Variants in DYSF observed in about 807,000 individuals in gnomAD.
DYSF encodes the protein dystrophy-associated fer-1-like 1.
A neutral mutation model predicts 274.9 loss-of-function variants in DYSF; 212 were observed. The ratio of observed to expected loss-of-function variants is 0.77; its 90% CI spans 0.69 to 0.86. The LOEUF is 0.86. Ranked by LOEUF, DYSF falls within the 40% of genes least tolerant of loss-of-function variation. The probability of loss-of-function intolerance (pLI) is 0.00; values close to 1 mark genes in which losing one functional copy is unlikely to be tolerated. For missense variants in DYSF, 2,666 were observed against 2,783.2 expected (o/e 0.96, Z 0.95); for synonymous variants, 1,091 against 1,078.7 (o/e 1.01, Z -0.22).
At chr2:71,606,999 CG>C (rs2093659680) in intron 36 of DYSF, among the ~76,000 whole-genome samples, 1 of 152,100 alleles carries the variant, frequency 6.6e-6, no homozygotes, top group African/African-American at 2.4e-5. Flanking sequence ...ATTTGTTGGA[CG>C]GGGGAATTCA....
chr2:71,575,998 C>T (rs1416401368), intron 30 of DYSF, among the ~76,000 whole-genome samples: 2 of 152,228 alleles, frequency 1.3e-5, no homozygotes, highest in Admixed American at 6.5e-5. Flanking sequence ...AGTAGCCCAG[C>T]CCACAGCGCC....
At chr2:71,593,368 C>A (rs940253748) in intron 32 of DYSF, among the ~76,000 whole-genome samples, 1 of 152,044 alleles carries the variant, frequency 6.6e-6, no homozygotes, top group Non-Finnish European at 1.5e-5. Flanking sequence ...TGACCTCAGG[C>A]GATTCACCCG....
chr2:71,622,042 ATTTG>A (rs1472601338), intron 41 of DYSF, among the ~76,000 whole-genome samples: 1 of 66,258 alleles, frequency 1.5e-5, no homozygotes, highest in African/African-American at 3.2e-5. Context: ...TTGCCATTTA[ATTTG>A]TTTATTTCTC....
chr2:71,482,014 G>C, intron 3 of DYSF, 44 bp downstream of exon 3: 1 of 1,532,462 alleles, frequency 6.5e-7, no homozygotes, highest in Non-Finnish European at 9.0e-7. Context: ...GAAGGTGCAG[G>C]TAGGATTGTG....
At chr2:71,635,730 C>A in intron 41 of DYSF, among the ~76,000 whole-genome samples, 1 of 106,848 alleles carries the variant, frequency 9.4e-6, no homozygotes, top group African/African-American at 3.8e-5. Context: ...GCCTGGGCGA[C>A]AGAGCAAGAC....
At chr2:71,612,428 G>C (rs542583317) in intron 38 of DYSF, among the ~76,000 whole-genome samples, 1 of 152,316 alleles carries the variant, frequency 6.6e-6, no homozygotes, top group East Asian at 1.9e-4. Context: ...GTAAAGCTGT[G>C]GGGGGAAAGC....
intron 51 of DYSF, among the ~76,000 whole-genome samples, chr2:71,670,190 C>T (rs1214645208): frequency 3.3e-5 from 5 of 152,226 alleles, no homozygotes; most frequent in Non-Finnish European, 2.9e-5. Flanking sequence ...GCCGCCACCC[C>T]ATGGCCACCT....
chr2:71,654,650 G>A (rs759289284), intron 42 of DYSF, among the ~76,000 whole-genome samples: 8 of 151,748 alleles, frequency 5.3e-5, no homozygotes, highest in African/African-American at 1.4e-4. Context: ...TTGAAAAACC[G>A]CAAAACTAAA....
In DYSF at chr2:71,466,778, C is replaced by T; in HGVS notation, c.-65C>T. The stretch of plus-strand genomic sequence containing the variant: ...GAGCCGGGCGCTTGCTGGGTGGGTG[C>T]TCGGGCCCGGTGCTCCCGCTCCCGC... On this transcript the variant is annotated 5_prime_UTR_variant, in exon 1 of 56. Coordinates refer to ENST00000410020, the MANE Select transcript of DYSF (RefSeq NM_001130987.2). 6 of 1,432,642 alleles carry T rather than the reference C, an allele frequency of 4.2e-6. No homozygotes were observed. The highest frequency in any genetic ancestry group is 1.4e-5 in the South Asian group (1 of 70,696). 88.7% of individuals were successfully genotyped at this position (1,432,642 alleles called of 1,614,324 possible). A position where few individuals can be genotyped will look rare whatever the true frequency, so the allele number is the denominator to read the frequency against.
intron 1 of DYSF, among the ~76,000 whole-genome samples, chr2:71,477,853 G>T (rs370747590): frequency 6.6e-6 from 1 of 152,166 alleles, no homozygotes; most frequent in South Asian, 2.1e-4. Flanking sequence ...ACAGTTATCT[G>T]AAAGTGTATT....
At chr2:71,618,038 TGGTG>T (rs1229358676) in intron 40 of DYSF, among the ~76,000 whole-genome samples, 1 of 51,442 alleles carries the variant, frequency 1.9e-5, no homozygotes, top group Non-Finnish European at 3.6e-5. Flanking sequence ...GTGGTAGAGA[TGGTG>T]TGTGTGTGTG....
At chr2:71,680,866 G>A in intron 53 of DYSF, 135 bp from the exon 54 acceptor site, 1 of 749,250 alleles carries the variant, frequency 1.3e-6, no homozygotes, top group East Asian at 2.7e-5. Context: ...AGCAGGTGCT[G>A]CTTTTATGTT....
rs2095087796 is a variant in DYSF, at chr2:71,669,849, C to T, written c.5784+103C>T. 2.0e-6 allele frequency: 3 copies of T among 1,500,248 alleles called. No individual in the cohort carries two copies. The South Asian group carries it at 3.4e-5, about 17-fold the overall frequency. 92.9% of individuals were successfully genotyped at this position (1,500,248 alleles called of 1,614,324 possible). On this transcript the variant is annotated intron_variant, in intron 51 of 55. Transcript: ENST00000410020. Reference sequence around the variant, plus strand: ...CCTGGCAACTGTCACAATCTCACTGCTGCCCCACCATGTTGGAGCTACCAC... The same window carrying T: ...CCTGGCAACTGTCACAATCTCACTGTTGCCCCACCATGTTGGAGCTACCAC...
At chr2:71,539,362 C>T in intron 17 of DYSF, 123 bp downstream of exon 17, 5 of 794,726 alleles carry the variant, frequency 6.3e-6, no homozygotes, top group South Asian at 1.4e-5. Flanking sequence ...CCTCTGTTGC[C>T]CATTTTCCAC....
intron 42 of DYSF, among the ~76,000 whole-genome samples, chr2:71,655,133 T>C (rs1327341492): frequency 6.6e-6 from 1 of 152,070 alleles, no homozygotes; most frequent in African/African-American, 2.4e-5. Flanking sequence ...CAAGTTTGTA[T>C]CTTTTGAGTC....
chr2:71,663,403 G>T (rs547567607), intron 45 of DYSF, among the ~76,000 whole-genome samples: 16 of 152,328 alleles, frequency 1.1e-4, no homozygotes, highest in African/African-American at 3.8e-4. Context: ...AACCCTCTGG[G>T]GGTCTCACAG....
chr2:71,456,756 C>T (rs1369922269), intron 1 of DYSF, among the ~76,000 whole-genome samples: 1 of 152,188 alleles, frequency 6.6e-6, no homozygotes, highest in South Asian at 2.1e-4. Flanking sequence ...GCCAAGGTCA[C>T]ATAGTGGCCA....
Position 71,598,615 on chromosome 2 carries a change from T to C in DYSF, c.3626T>C (p.Val1209Ala). 6.2e-7 allele frequency: 1 copy of C among 1,614,126 alleles called. No homozygotes were observed. ...CACCAGAGCCAGAAGACGGTGGTGG[T>C]GAAGAACACCCTTAACCCCACCTGG... ...FLHQSQKTVV[V>A]KNTLNPTWDQ... The change falls in exon 33 of 56, where the codon GTG becomes GCG. Residue 1209 changes from valine (V) to alanine (A), a missense_variant. By Grantham distance (64) the Val-to-Ala change is moderately conservative. Around this residue, in one of 3 missense-constraint regions of DYSF, gnomAD observed 1,460 missense variants for 1,502.1 expected, o/e 0.97. Coordinates refer to ENST00000410020, the MANE Select transcript of DYSF (RefSeq NM_001130987.2).
intron 54 of DYSF, among the ~76,000 whole-genome samples, chr2:71,681,565 C>T (rs2095296919): frequency 6.6e-6 from 1 of 152,244 alleles, no homozygotes; most frequent in Non-Finnish European, 1.5e-5. Flanking sequence ...CCTTCGGTGG[C>T]TCTCCTATGG....
Sources: gnomAD v4.1 joint callset for allele counts (sites outside exome capture counted in the v4.1 genomes callset) on GRCh38, gnomAD v4.1.1 for gene constraint, gnomAD v4.1.1 regional missense constraint, MANE v1.5 for transcripts, NCBI Gene and HGNC (gene_info 2026-07-23, HGNC 2026-07-21) for gene names.